The following DLG2 variants were observed in gnomAD, a reference collection of about 807,000 sequenced individuals.
DLG2 encodes the protein discs large MAGUK scaffold protein 2.
DLG2 carries 45 observed loss-of-function variants against 132.5 expected under a neutral mutation model. That is an observed-to-expected ratio of 0.34 (90% CI 0.27 to 0.44). The LOEUF is 0.44. Among genes scored for constraint, DLG2 ranks in the 20% least tolerant of loss-of-function variants. DLG2 has a pLI of 1.00. For synonymous variants in DLG2, 424 were observed against 419.6 expected (o/e 1.01, Z -0.13); for missense variants, 1,045 against 1,196.9 (o/e 0.87, Z 1.87).
At chr11:84,452,798 C>G (rs1233757474) in intron 7 of DLG2, among the ~76,000 whole-genome samples, 1 of 151,540 alleles carries the variant, frequency 6.6e-6, no homozygotes, top group African/African-American at 2.4e-5. Flanking sequence ...TGGTGGTGTG[C>G]ACCTGTAATT....
At chr11:85,513,946 C>G (rs971267588) in intron 3 of DLG2, among the ~76,000 whole-genome samples, 1 of 151,850 alleles carries the variant, frequency 6.6e-6, no homozygotes. Flanking sequence ...CTCATTGTTT[C>G]TTCTTTAGTT....
rs536886235 is a variant in DLG2, at chr11:85,250,488, T to A, written c.186+34732A>T. ...CTTTTAAAAGTTATTCATGTACTTGTCTTGGGATAACACAGTATAAATTTA... is the reference window on the plus strand; with the variant it reads ...CTTTTAAAAGTTATTCATGTACTTGACTTGGGATAACACAGTATAAATTTA... On this transcript the variant is annotated intron_variant, in intron 4 of 27. Transcript: ENST00000376104. 2.8e-4 allele frequency among the ~76,000 whole-genome samples: 42 copies of A among 152,318 alleles called. 1 individual carries two copies. In the South Asian group the frequency reaches 8.1e-3, roughly 29 times the overall value.
At chr11:84,254,233 G>A (rs1269916697) in intron 7 of DLG2, among the ~76,000 whole-genome samples, 1 of 151,804 alleles carries the variant, frequency 6.6e-6, no homozygotes, top group East Asian at 1.9e-4. Flanking sequence ...TCCCATCTTT[G>A]CTTTTTTTCT....
intron 18 of DLG2, among the ~76,000 whole-genome samples, chr11:83,660,104 GA>G (rs2073867265): frequency 6.6e-6 from 1 of 152,180 alleles, no homozygotes; most frequent in South Asian, 2.1e-4. Context: ...CATACTTTAA[GA>G]AAAAGAAAAT....
chr11:85,260,244 A>G (rs2076873732), intron 4 of DLG2, among the ~76,000 whole-genome samples: 1 of 152,244 alleles, frequency 6.6e-6, no homozygotes, highest in African/African-American at 2.4e-5. Context: ...GTACTCAGGC[A>G]CAATATCTCT....
At chr11:84,283,936 TAAAAACAA>T (rs1243288501) in intron 7 of DLG2, among the ~76,000 whole-genome samples, 2 of 150,574 alleles carry the variant, frequency 1.3e-5, no homozygotes, top group Non-Finnish European at 3.0e-5. Flanking sequence ...CCATGACTCT[TAAAAACAA>T]AAAAACAAAA....
chr11:84,411,391 G>A (rs940007644), intron 7 of DLG2, among the ~76,000 whole-genome samples: 1 of 152,086 alleles, frequency 6.6e-6, no homozygotes, highest in African/African-American at 2.4e-5. Context: ...TCCTACTTCT[G>A]GTTACTAGAG....
chr11:84,822,893 C>A (rs117057905), intron 6 of DLG2, among the ~76,000 whole-genome samples: 1 of 151,876 alleles, frequency 6.6e-6, no homozygotes, highest in Non-Finnish European at 1.5e-5. Flanking sequence ...TTGTACACTA[C>A]GTGTATAATT....
chr11:83,509,571 T>C (rs2094902476), intron 21 of DLG2, among the ~76,000 whole-genome samples: 2 of 152,262 alleles, frequency 1.3e-5, no homozygotes, highest in Non-Finnish European at 2.9e-5. Context: ...CCCCATCTCT[T>C]ATGGTACTCC....
chr11:84,252,175 A>T lies in DLG2; in HGVS notation c.520-884T>A, dbSNP rs116110829. 7.4e-3 allele frequency among the ~76,000 whole-genome samples: 764 copies of T among 103,926 alleles called. 9 individuals are homozygous for T. The highest frequency in any genetic ancestry group is 0.028 in the African/African-American group (713 of 25,310). 68.2% of individuals were successfully genotyped at this position (103,926 alleles called of 152,430 possible). A position where few individuals can be genotyped will look rare whatever the true frequency, so the allele number is the denominator to read the frequency against. On this transcript the variant is annotated intron_variant, in intron 7 of 27. Transcript: ENST00000376104. The stretch of plus-strand genomic sequence containing the variant: ...TTTTTTTTTTTTTTTTTTGAGATGA[A>T]GTGTTCCTCTGTCGCCCATGCTGGA...
At chr11:85,493,197 A>G (rs1008862665) in intron 3 of DLG2, among the ~76,000 whole-genome samples, 1 of 152,192 alleles carries the variant, frequency 6.6e-6, no homozygotes, top group African/African-American at 2.4e-5. Flanking sequence ...CATGAGGTGC[A>G]ATGTATTAGA....
At chr11:85,029,969 C>T (rs976820834) in intron 6 of DLG2, among the ~76,000 whole-genome samples, 33 of 152,220 alleles carry the variant, frequency 2.2e-4, no homozygotes, top group Admixed American at 1.9e-3. Context: ...AGGCAAAGAG[C>T]GAGCTGTAAC....
intron 4 of DLG2, among the ~76,000 whole-genome samples, chr11:85,185,481 A>G (rs934687750): frequency 6.6e-6 from 1 of 152,024 alleles, no homozygotes; most frequent in Non-Finnish European, 1.5e-5. Context: ...TTCTAATGGC[A>G]TCTGCAGTTT....
At chr11:84,388,215 T>C (rs1021820013) in intron 7 of DLG2, among the ~76,000 whole-genome samples, 9 of 152,096 alleles carry the variant, frequency 5.9e-5, no homozygotes, top group African/African-American at 9.7e-5. Flanking sequence ...GGAAGTACCA[T>C]AAGTAGAGGG....
At chr11:83,951,586 C>T (rs2154147512) in intron 14 of DLG2, among the ~76,000 whole-genome samples, 1 of 152,254 alleles carries the variant, frequency 6.6e-6, no homozygotes, top group East Asian at 1.9e-4. Context: ...AAGGGAAAAA[C>T]ATTCAAGGCA....
At chr11:83,996,036 C>A (rs1258500388) in intron 11 of DLG2, among the ~76,000 whole-genome samples, 2 of 152,090 alleles carry the variant, frequency 1.3e-5, no homozygotes, top group African/African-American at 2.4e-5. Flanking sequence ...AGTGAAGAGA[C>A]AGTCCAGAGA....
chr11:83,789,025 A>C (rs2040780651), intron 17 of DLG2, among the ~76,000 whole-genome samples: 1 of 152,228 alleles, frequency 6.6e-6, no homozygotes, highest in Non-Finnish European at 1.5e-5. Flanking sequence ...GCAAACTATA[A>C]GATGAAAATG....
At chr11:84,266,597 T>C (rs779036412) in intron 7 of DLG2, among the ~76,000 whole-genome samples, 3 of 152,178 alleles carry the variant, frequency 2.0e-5, no homozygotes, top group African/African-American at 7.2e-5. Flanking sequence ...ATGAGTTAAG[T>C]ACTATTTAGA....
At chr11:84,070,987 C>T (rs1019784515) in intron 10 of DLG2, among the ~76,000 whole-genome samples, 1 of 152,180 alleles carries the variant, frequency 6.6e-6, no homozygotes, top group East Asian at 1.9e-4. Flanking sequence ...AATTTCATCA[C>T]CAGAAAGGGA....
Sources: gnomAD v4.1 joint callset for allele counts (sites outside exome capture counted in the v4.1 genomes callset) on GRCh38, gnomAD v4.1.1 for gene constraint, MANE v1.5 for transcripts, NCBI Gene and HGNC (gene_info 2026-07-23, HGNC 2026-07-21) for gene names.